SNTG2: variants seen among roughly 807,000 people sequenced by gnomAD.
SNTG2 encodes the protein gamma-2-syntrophin.
SNTG2 carries 74 observed loss-of-function variants against 70.9 expected under a neutral mutation model. The observed-to-expected ratio is 1.04, with a 90% confidence interval of 0.86 to 1.27. SNTG2 has a LOEUF of 1.27. SNTG2 is among the 50% of genes most tolerant of loss of function. The probability of loss-of-function intolerance (pLI) is 0.00; values close to 1 mark genes in which losing one functional copy is unlikely to be tolerated. For missense variants in SNTG2, 717 were observed against 690.7 expected (o/e 1.04, Z -0.43); for synonymous variants, 278 against 273.8 (o/e 1.02, Z -0.15).
intron 1 of SNTG2, among the ~76,000 whole-genome samples, chr2:970,265 T>C (rs1660693423): frequency 1.3e-5 from 2 of 152,306 alleles, no homozygotes; most frequent in East Asian, 1.9e-4. Flanking sequence ...AGTTTGTTAA[T>C]ATTTGAGGAT....
intron 6 of SNTG2, among the ~76,000 whole-genome samples, chr2:1,142,398 C>T (rs2068695): frequency 0.18 from 28,136 of 152,222 alleles, 2,685 homozygotes; most frequent in Non-Finnish European, 0.21. Context: ...ATTCCAGGAG[C>T]CACCTTCAGT....
chr2:1,087,099 G>A (rs1664729953), intron 2 of SNTG2, among the ~76,000 whole-genome samples: 1 of 152,136 alleles, frequency 6.6e-6, no homozygotes, highest in Non-Finnish European at 1.5e-5. Context: ...AGGTCAAGGA[G>A]GCAGGGCTGA....
At chr2:1,348,872 C>G (rs1465520594) in intron 16 of SNTG2, among the ~76,000 whole-genome samples, 1 of 152,176 alleles carries the variant, frequency 6.6e-6, no homozygotes, top group Non-Finnish European at 1.5e-5. Flanking sequence ...AGCTTTCTTA[C>G]CTGGTGTATT....
At chr2:1,340,309 G>T (rs775299254) in intron 16 of SNTG2, among the ~76,000 whole-genome samples, 10 of 152,212 alleles carry the variant, frequency 6.6e-5, no homozygotes, top group Non-Finnish European at 1.5e-4. Flanking sequence ...GACAGAGGGT[G>T]GACTTGGCAT....
chr2:1,070,184 C>G (rs1351934148), intron 1 of SNTG2, among the ~76,000 whole-genome samples: 1 of 151,988 alleles, frequency 6.6e-6, no homozygotes, highest in African/African-American at 2.4e-5. Flanking sequence ...GAGGGAATTA[C>G]CCTGAGCCCA....
chr2:1,249,512 A>G (rs1460492258), intron 12 of SNTG2, among the ~76,000 whole-genome samples: 1 of 152,226 alleles, frequency 6.6e-6, no homozygotes, highest in African/African-American at 2.4e-5. Flanking sequence ...TGCAGGGAGT[A>G]TACTCTCTCT....
intron 16 of SNTG2, among the ~76,000 whole-genome samples, chr2:1,362,373 T>C (rs1360444063): frequency 6.6e-6 from 1 of 151,432 alleles, no homozygotes; most frequent in Non-Finnish European, 1.5e-5. Flanking sequence ...AGAACTTCTG[T>C]GAAGGTCACC....
intron 1 of SNTG2, among the ~76,000 whole-genome samples, chr2:1,016,460 C>T (rs565361903): frequency 6.6e-6 from 1 of 152,192 alleles, no homozygotes; most frequent in Non-Finnish European, 1.5e-5. Flanking sequence ...AGGTTGGCCT[C>T]AAACTCCTGA....
At chr2:1,338,687 T>A (rs1168256145) in intron 16 of SNTG2, among the ~76,000 whole-genome samples, 1 of 152,196 alleles carries the variant, frequency 6.6e-6, no homozygotes, top group Non-Finnish European at 1.5e-5. Flanking sequence ...TCCATCCATG[T>A]TGGAATATGT....
intron 6 of SNTG2, among the ~76,000 whole-genome samples, chr2:1,153,799 C>T (rs1378624044): frequency 6.6e-6 from 1 of 152,172 alleles, no homozygotes; most frequent in African/African-American, 2.4e-5. Flanking sequence ...TGATGGAAGA[C>T]TGAATACATT....
chr2:1,024,770 A>G (rs1660383184), intron 1 of SNTG2, among the ~76,000 whole-genome samples: 1 of 152,228 alleles, frequency 6.6e-6, no homozygotes, highest in Non-Finnish European at 1.5e-5. Flanking sequence ...ATAAAGTAAT[A>G]AAGCAGTGAC....
chr2:1,157,432 A>G lies in SNTG2; in HGVS notation c.412-8116A>G, dbSNP rs1159760087. 4.0e-5 allele frequency among the ~76,000 whole-genome samples: 6 copies of G among 151,392 alleles called. No homozygotes were observed. In the East Asian group the frequency reaches 7.7e-4, roughly 20 times the overall value. On this transcript the variant is annotated intron_variant, in intron 6 of 16. Coordinates refer to ENST00000308624, the MANE Select transcript of SNTG2 (RefSeq NM_018968.4). ...CGTACTTGGCAAAAGCCCCCCAGAC[A>G]CTCACACGTGCACAAGGATGCCAGA...
intron 2 of SNTG2, among the ~76,000 whole-genome samples, chr2:1,087,263 T>C (rs1664742850): frequency 6.6e-6 from 1 of 152,220 alleles, no homozygotes; most frequent in Admixed American, 6.5e-5. Flanking sequence ...TGTGCTGGCC[T>C]CATGAAGAGT....
In SNTG2 at chr2:1,116,203, T is replaced by G. The variant is rs76203657; in HGVS notation, c.325+17793T>G. 8.6e-3 allele frequency among the ~76,000 whole-genome samples: 1,012 copies of G among 117,884 alleles called. 3 individuals carry two copies. Among genetic ancestry groups the G allele is most frequent in the Non-Finnish European group, 0.016 (832 of 50,854 alleles). The allele number at this position is 117,884 out of a possible 152,430, so 77.3% of individuals were successfully genotyped here. A position where few individuals can be genotyped will look rare whatever the true frequency, so the allele number is the denominator to read the frequency against. ...TTGGTGGTCACGGGTTTTAGGGCTT[T>G]CTTTCTGAGAAGCAGAGCTATCGAT... On this transcript the variant is annotated intron_variant, in intron 4 of 16. Transcript: ENST00000308624.
chr2:981,826 C>A (rs1232529850), intron 1 of SNTG2, among the ~76,000 whole-genome samples: 1 of 152,222 alleles, frequency 6.6e-6, no homozygotes, highest in Non-Finnish European at 1.5e-5. Flanking sequence ...TATGCACACA[C>A]AAATGCCCAT....
chr2:1,222,115 G>GTCTCTGTC (rs1675203615), intron 9 of SNTG2, among the ~76,000 whole-genome samples: 5 of 22,060 alleles, frequency 2.3e-4, no homozygotes, highest in Non-Finnish European at 4.3e-4. Flanking sequence ...GTCTCTCTCT[G>GTCTCTGTC]TCTCTCTCTG....
chr2:976,605 G>A (rs1043142969), intron 1 of SNTG2, among the ~76,000 whole-genome samples: 6 of 152,170 alleles, frequency 3.9e-5, no homozygotes, highest in Non-Finnish European at 8.8e-5. Context: ...GCTCTTCAAG[G>A]TTTGCTTAAA....
At chr2:1,348,494 A>G (rs1050057568) in intron 16 of SNTG2, among the ~76,000 whole-genome samples, 1 of 152,240 alleles carries the variant, frequency 6.6e-6, no homozygotes, top group Non-Finnish European at 1.5e-5. Flanking sequence ...TAACCCAGAC[A>G]TTCCTTTCTA....
chr2:1,028,326 A>G (rs189356031), intron 1 of SNTG2, among the ~76,000 whole-genome samples: 23 of 151,722 alleles, frequency 1.5e-4, no homozygotes, highest in African/African-American at 4.4e-4. Context: ...TTGAAGGTGC[A>G]TCTGACCCAC....
Sources: allele counts gnomAD v4.1 joint callset (sites outside exome capture counted in the v4.1 genomes callset), GRCh38; gene constraint gnomAD v4.1.1; transcripts MANE v1.5; gene names NCBI Gene and HGNC (gene_info 2026-07-23, HGNC 2026-07-21).